Variants in MCU observed in about 807,000 individuals in gnomAD.
MCU encodes the protein mitochondrial calcium uniporter.
A neutral mutation model predicts 45.2 loss-of-function variants in MCU; 12 were observed. That is an observed-to-expected ratio of 0.27 (90% CI 0.17 to 0.43). MCU has a LOEUF of 0.43. MCU is among the 20% of genes least tolerant of loss of function. The pLI is 1.00. For synonymous variants in MCU, 160 were observed against 165.1 expected (o/e 0.97, Z 0.24); for missense variants, 324 against 436.7 (o/e 0.74, Z 2.30).
chr10:72,848,992 A>G (rs1219110714), intron 2 of MCU, among the ~76,000 whole-genome samples: 1 of 151,972 alleles, frequency 6.6e-6, no homozygotes, highest in African/African-American at 2.4e-5. Flanking sequence ...AAAAAATAGA[A>G]TGAAAGGGCC....
At chr10:72,849,744 G>A (rs1845178848) in intron 2 of MCU, among the ~76,000 whole-genome samples, 2 of 151,964 alleles carry the variant, frequency 1.3e-5, no homozygotes, top group South Asian at 2.1e-4. Flanking sequence ...CAAAGGGAGG[G>A]AGTCGTTAAC....
intron 6 of MCU, among the ~76,000 whole-genome samples, chr10:72,875,403 A>T (rs536016972): frequency 6.6e-6 from 1 of 152,130 alleles, no homozygotes; most frequent in African/African-American, 2.4e-5. Flanking sequence ...TACCTGTCCT[A>T]CTAGTTAAAT....
At chr10:72,854,835 CAG>C (rs1236121151) in intron 2 of MCU, among the ~76,000 whole-genome samples, 1 of 152,224 alleles carries the variant, frequency 6.6e-6, no homozygotes, top group African/African-American at 2.4e-5. Flanking sequence ...ACCACAGTAA[CAG>C]AGTTTGTAGT....
At chr10:72,758,892 T>A (rs1018896442) in intron 1 of MCU, among the ~76,000 whole-genome samples, 1 of 152,204 alleles carries the variant, frequency 6.6e-6, no homozygotes, top group Non-Finnish European at 1.5e-5. Context: ...TAGTGTGGAA[T>A]AAGACAATGA....
intron 1 of MCU, among the ~76,000 whole-genome samples, chr10:72,700,162 C>T (rs755181379): frequency 7.4e-5 from 11 of 149,516 alleles, no homozygotes; most frequent in South Asian, 2.1e-4. Context: ...AGAGTTCAAG[C>T]GATTCTCCTG....
intron 1 of MCU, among the ~76,000 whole-genome samples, chr10:72,833,849 G>C (rs1844914497): frequency 6.6e-6 from 1 of 152,166 alleles, no homozygotes; most frequent in African/African-American, 2.4e-5. Flanking sequence ...TAGTGAGGTT[G>C]CCTCTCCAGG....
intron 1 of MCU, among the ~76,000 whole-genome samples, chr10:72,796,042 G>A (rs942766303): frequency 6.6e-6 from 1 of 151,966 alleles, no homozygotes; most frequent in Non-Finnish European, 1.5e-5. Flanking sequence ...AGAGCTCACT[G>A]ATCCACCAAG....
chr10:72,787,712 C>CTTTTTTG (rs1844095881), intron 1 of MCU, among the ~76,000 whole-genome samples: 1 of 150,334 alleles, frequency 6.7e-6, no homozygotes, highest in African/African-American at 2.4e-5. Context: ...TGGTTATTTT[C>CTTTTTTG]TTTTTTGTTT....
chr10:72,788,754 T>C (rs555523137), intron 1 of MCU, among the ~76,000 whole-genome samples: 3 of 152,388 alleles, frequency 2.0e-5, no homozygotes, highest in East Asian at 3.9e-4. Flanking sequence ...AATGTCTTTT[T>C]AGAAAGCATT....
intron 2 of MCU, among the ~76,000 whole-genome samples, chr10:72,852,980 G>C (rs923177006): frequency 6.6e-6 from 1 of 152,144 alleles, no homozygotes. Flanking sequence ...GGGACAAATT[G>C]GTCCTAGAAT....
rs1589421571 is a variant in MCU, at chr10:72,698,630, G to A, written c.150+6329G>A. 3.3e-5 allele frequency among the ~76,000 whole-genome samples: 5 copies of A among 152,088 alleles called. No individual in the cohort carries two copies. In the South Asian group the frequency reaches 1.0e-3, roughly 32 times the overall value. On this transcript the variant is annotated intron_variant, in intron 1 of 7. Coordinates refer to ENST00000373053, the MANE Select transcript of MCU (RefSeq NM_138357.3). ...AGCAATTCTTCTGCCTTAGCCTCCC[G>A]AGTAGATGGGGCTAAAGGCACGCGC... is the stretch of plus-strand genomic sequence containing the variant.
chr10:72,707,953 C>T (rs762401886), intron 1 of MCU, among the ~76,000 whole-genome samples: 1 of 151,916 alleles, frequency 6.6e-6, no homozygotes, highest in Admixed American at 6.6e-5. Context: ...TGACTACAGG[C>T]ACGTACCACC....
intron 1 of MCU, among the ~76,000 whole-genome samples, chr10:72,763,567 G>T (rs113711810): frequency 1.3e-5 from 2 of 152,228 alleles, no homozygotes; most frequent in African/African-American, 4.8e-5. Context: ...GGTAGCTTGG[G>T]GATGAGTAGG....
At chr10:72,858,403 A>C (rs1469296011) in intron 2 of MCU, among the ~76,000 whole-genome samples, 1 of 151,810 alleles carries the variant, frequency 6.6e-6, no homozygotes, top group African/African-American at 2.4e-5. Flanking sequence ...GGCCAGAACC[A>C]CTCCACGGTC....
chr10:72,723,243 AG>A (rs1843049378), intron 1 of MCU, among the ~76,000 whole-genome samples: 1 of 152,044 alleles, frequency 6.6e-6, no homozygotes, highest in Non-Finnish European at 1.5e-5. Context: ...TTTTTTTTGC[AG>A]CTAAGTTTTT....
At chr10:72,745,241 T>G (rs942815301) in intron 1 of MCU, among the ~76,000 whole-genome samples, 3 of 152,330 alleles carry the variant, frequency 2.0e-5, no homozygotes, top group African/African-American at 7.2e-5. Context: ...AGAATTTTTT[T>G]TTTTGAGATG....
At chr10:72,747,078 G>A (rs187023765) in intron 1 of MCU, among the ~76,000 whole-genome samples, 12 of 152,216 alleles carry the variant, frequency 7.9e-5, no homozygotes, top group Non-Finnish European at 1.8e-4. Flanking sequence ...CAGAGGTGCT[G>A]ATTTTTAACT....
chr10:72,864,218 G>A (rs1252534655), intron 4 of MCU, among the ~76,000 whole-genome samples: 1 of 152,080 alleles, frequency 6.6e-6, no homozygotes, highest in South Asian at 2.1e-4. Context: ...CTCCTCATGG[G>A]TAGTTCTTCT....
chr10:72,762,676 G>T (rs1474465163), intron 1 of MCU, among the ~76,000 whole-genome samples: 4 of 152,080 alleles, frequency 2.6e-5, no homozygotes, highest in Non-Finnish European at 5.9e-5. Context: ...GCACCTCTAC[G>T]TACAGGAACT....
Sources: gnomAD v4.1 joint callset for allele counts (sites outside exome capture counted in the v4.1 genomes callset) on GRCh38, gnomAD v4.1.1 for gene constraint, MANE v1.5 for transcripts, NCBI Gene and HGNC (gene_info 2026-07-23, HGNC 2026-07-21) for gene names.